ZHX2: variants seen among roughly 807,000 people sequenced by gnomAD.
ZHX2 encodes zinc fingers and homeoboxes protein 2.
ZHX2 carries 6 observed loss-of-function variants against 21.9 expected under a neutral mutation model. The ratio of observed to expected loss-of-function variants is 0.27; its 90% CI spans 0.15 to 0.54. The LOEUF (loss-of-function observed/expected upper bound fraction) is 0.54. Among genes scored for constraint, ZHX2 ranks in the 20% least tolerant of loss-of-function variants. The probability of loss-of-function intolerance (pLI) is 0.95; values close to 1 mark genes in which losing one functional copy is unlikely to be tolerated. For synonymous variants in ZHX2, 434 were observed against 437.1 expected (o/e 0.99, Z 0.09); for missense variants, 908 against 1,090.7 (o/e 0.83, Z 2.36).
chr8:122,830,691 C>T (rs990069496), intron 1 of ZHX2, among the ~76,000 whole-genome samples: 1 of 152,128 alleles, frequency 6.6e-6, no homozygotes, highest in South Asian at 2.1e-4. Context: ...GAAGCATGGC[C>T]TCATCTGCTG....
At chr8:122,815,027 C>T (rs2130617557) in intron 1 of ZHX2, among the ~76,000 whole-genome samples, 1 of 152,276 alleles carries the variant, frequency 6.6e-6, no homozygotes, top group East Asian at 1.9e-4. Context: ...CCTTGAGTCT[C>T]GTTTTTCCAT....
chr8:122,895,042 G>T (rs570094615), intron 2 of ZHX2, among the ~76,000 whole-genome samples: 2 of 152,298 alleles, frequency 1.3e-5, no homozygotes, highest in South Asian at 4.1e-4. Flanking sequence ...CCAGATTTCA[G>T]CTGTAGCCTC....
chr8:122,916,677 T>C (rs1032258486), intron 2 of ZHX2, among the ~76,000 whole-genome samples: 5 of 152,200 alleles, frequency 3.3e-5, no homozygotes, highest in Admixed American at 2.6e-4. Context: ...CCTTCCCATA[T>C]TGTTCTCAGT....
chr8:122,879,722 C>T (rs2129772392), intron 2 of ZHX2, among the ~76,000 whole-genome samples: 1 of 152,154 alleles, frequency 6.6e-6, no homozygotes, highest in East Asian at 1.9e-4. Context: ...TAACTCAGCC[C>T]TCGGGCCACG....
intron 2 of ZHX2, among the ~76,000 whole-genome samples, chr8:122,940,500 CACCCA>C (rs1257055837): frequency 1.3e-5 from 2 of 152,134 alleles, no homozygotes; most frequent in East Asian, 3.9e-4. Flanking sequence ...GGCCCCGTGT[CACCCA>C]AATGTGTGGT....
intron 2 of ZHX2, among the ~76,000 whole-genome samples, chr8:122,948,829 G>T (rs908436136): frequency 1.3e-5 from 2 of 152,048 alleles, no homozygotes; most frequent in Non-Finnish European, 2.9e-5. Context: ...TACCAGATGA[G>T]TTAAATGCAA....
chr8:122,943,472 G>A (rs1382568122), intron 2 of ZHX2, among the ~76,000 whole-genome samples: 1 of 152,168 alleles, frequency 6.6e-6, no homozygotes, highest in African/African-American at 2.4e-5. Context: ...GTGAAACTTA[G>A]CACTTGGCAT....
intron 2 of ZHX2, among the ~76,000 whole-genome samples, chr8:122,902,022 A>G (rs1820241954): frequency 7.6e-6 from 1 of 131,562 alleles, no homozygotes; most frequent in African/African-American, 2.6e-5. Flanking sequence ...ATGCTACGTG[A>G]AAAAAAAAAA....
intron 1 of ZHX2, among the ~76,000 whole-genome samples, chr8:122,839,749 G>T (rs865811792): frequency 1.3e-5 from 2 of 152,250 alleles, no homozygotes; most frequent in Middle Eastern, 3.4e-3. Context: ...TTTGCTTCGG[G>T]CTGCAATTGG....
In ZHX2 at chr8:122,889,865, C is replaced by T. The variant is rs552170846; in HGVS notation, c.-220+26326C>T. 3.3e-5 allele frequency among the ~76,000 whole-genome samples: 5 copies of T among 152,228 alleles called. No homozygotes were observed. In the South Asian group the frequency reaches 1.0e-3, roughly 32 times the overall value. ...TTGGGGGATGGGGGGATCCTGGAATCAATCACCTGCATATACCATGAGAGG... is the reference window on the plus strand; with the variant it reads ...TTGGGGGATGGGGGGATCCTGGAATTAATCACCTGCATATACCATGAGAGG... On this transcript the variant is annotated intron_variant, in intron 2 of 3. Coordinates refer to ENST00000314393, the MANE Select transcript of ZHX2 (RefSeq NM_014943.5).
At chr8:122,906,059 T>C (rs1417330336) in intron 2 of ZHX2, among the ~76,000 whole-genome samples, 2 of 152,186 alleles carry the variant, frequency 1.3e-5, no homozygotes, top group African/African-American at 4.8e-5. Context: ...TATCAATCAG[T>C]TCAAAAGTAC....
chr8:122,846,832 CTT>C (rs1240263547), intron 1 of ZHX2, among the ~76,000 whole-genome samples: 1 of 152,078 alleles, frequency 6.6e-6, no homozygotes, highest in Non-Finnish European at 1.5e-5. Context: ...AAAGACCTCT[CTT>C]ATATACATTC....
intron 2 of ZHX2, among the ~76,000 whole-genome samples, chr8:122,905,942 A>G (rs1204791525): frequency 2.1e-4 from 32 of 152,250 alleles, no homozygotes; most frequent in Admixed American, 2.0e-3. Context: ...ATATCAAGCT[A>G]CATTTGCACA....
At chr8:122,886,155 A>T (rs1397466672) in intron 2 of ZHX2, among the ~76,000 whole-genome samples, 1 of 152,254 alleles carries the variant, frequency 6.6e-6, no homozygotes, top group African/African-American at 2.4e-5. Context: ...CCATAAAAAG[A>T]AATGAGCTAT....
intron 2 of ZHX2, among the ~76,000 whole-genome samples, chr8:122,894,173 G>T (rs1281250417): frequency 6.6e-6 from 1 of 152,248 alleles, no homozygotes; most frequent in Non-Finnish European, 1.5e-5. Context: ...GGGATGCCAG[G>T]CAGGCTGATG....
intron 2 of ZHX2, among the ~76,000 whole-genome samples, chr8:122,896,397 C>A (rs1307825271): frequency 6.6e-6 from 1 of 152,096 alleles, no homozygotes; most frequent in Non-Finnish European, 1.5e-5. Flanking sequence ...AACATAAAAG[C>A]CTATGACACA....
At chr8:122,923,058 A>T (rs148750053) in intron 2 of ZHX2, among the ~76,000 whole-genome samples, 23 of 152,268 alleles carry the variant, frequency 1.5e-4, no homozygotes, top group African/African-American at 5.3e-4. Flanking sequence ...TGTCTTCCTA[A>T]AATTACTTGT....
intron 1 of ZHX2, among the ~76,000 whole-genome samples, chr8:122,848,789 C>T (rs374151060): frequency 1.3e-5 from 2 of 152,236 alleles, no homozygotes; most frequent in South Asian, 2.1e-4. Flanking sequence ...AGGCCGGCAG[C>T]GTGCCCTGCC....
chr8:122,955,075 G>GA (rs367956135), intron 3 of ZHX2, among the ~76,000 whole-genome samples: 4 of 137,604 alleles, frequency 2.9e-5, no homozygotes, highest in African/African-American at 1.1e-4. Flanking sequence ...AAGCCGGGGG[G>GA]GGGGGGGTGG....
Sources: gnomAD v4.1 joint callset for allele counts (sites outside exome capture counted in the v4.1 genomes callset) on GRCh38, gnomAD v4.1.1 for gene constraint, MANE v1.5 for transcripts, NCBI Gene and HGNC (gene_info 2026-07-23, HGNC 2026-07-21) for gene names.